The following ANKRD44 variants were observed in gnomAD, a reference collection of about 807,000 sequenced individuals.
The protein encoded by ANKRD44 is serine/threonine-protein phosphatase 6 regulatory ankyrin repeat subunit B.
In ANKRD44, 35 loss-of-function variants were observed where a neutral mutation model predicts 116.0. The ratio of observed to expected loss-of-function variants is 0.30; its 90% confidence interval spans 0.23 to 0.40. The LOEUF (loss-of-function observed/expected upper bound fraction) is 0.40, where lower values mean the gene tolerates loss of function less well. ANKRD44 is among the 10% of genes least tolerant of loss of function. The pLI, the probability that ANKRD44 is intolerant of heterozygous loss-of-function variation, is 1.00. For missense variants in ANKRD44, 1,014 were observed against 1,242.6 expected (o/e 0.82, Z 2.77); for synonymous variants, 435 against 461.8 (o/e 0.94, Z 0.74).
At chr2:197,032,854 G>A (rs976994868) in intron 16 of ANKRD44, among the ~76,000 whole-genome samples, 1 of 152,176 alleles carries the variant, frequency 6.6e-6, no homozygotes, top group African/African-American at 2.4e-5. Context: ...ATTGGAGGTG[G>A]GGAAAGAGGA....
rs746996854 is a variant in ANKRD44 at position 197,125,437 on chromosome 2, T to G, written c.494A>C (p.Asn165Thr). The change falls in exon 6 of 28, where the codon AAT becomes ACT. Residue 165 changes from asparagine to threonine, a missense_variant. By Grantham distance (65) the Asn-to-Thr change is moderately conservative (BLOSUM62 0). Transcript: ENST00000282272. ...MVNLLLAKGANINAFDKKDRR... is the reference protein window; with the variant it reads ...MVNLLLAKGATINAFDKKDRR... Reference sequence around the variant, plus strand: ...GTCCTTCTTGTCAAATGCATTGATATTTGCCCCTTTGGCCAAGAGTAAATT... The same window carrying G: ...GTCCTTCTTGTCAAATGCATTGATAGTTGCCCCTTTGGCCAAGAGTAAATT... 33 of 1,613,924 alleles carry G rather than the reference T, an allele frequency of 2.0e-5. No individual in the cohort carries two copies. In the Admixed American group the frequency reaches 5.5e-4, roughly 27 times the overall value.
chr2:197,247,013 T>A (rs188308895), intron 1 of ANKRD44, among the ~76,000 whole-genome samples: 2 of 152,298 alleles, frequency 1.3e-5, no homozygotes, highest in African/African-American at 4.8e-5. Flanking sequence ...TCCAGTCTCG[T>A]TTCTCTTTCT....
intron 3 of ANKRD44, among the ~76,000 whole-genome samples, chr2:197,141,653 G>A (rs779901850): frequency 1.3e-5 from 2 of 152,170 alleles, no homozygotes; most frequent in Non-Finnish European, 2.9e-5. Flanking sequence ...GCTTCTTTCA[G>A]TCAGTGTTTA....
intron 21 of ANKRD44, among the ~76,000 whole-genome samples, chr2:196,972,848 T>C (rs1214378852): frequency 6.6e-6 from 1 of 152,250 alleles, no homozygotes; most frequent in Non-Finnish European, 1.5e-5. Context: ...AGGGTATGTA[T>C]AATTCTAATG....
intron 4 of ANKRD44, among the ~76,000 whole-genome samples, chr2:197,133,771 G>C (rs1031820523): frequency 1.3e-5 from 2 of 151,946 alleles, no homozygotes; most frequent in African/African-American, 4.8e-5. Flanking sequence ...TATTAGTTAG[G>C]AGAGGCATAA....
intron 10 of ANKRD44, among the ~76,000 whole-genome samples, chr2:197,094,571 C>G (rs886451631): frequency 3.3e-5 from 5 of 152,194 alleles, no homozygotes; most frequent in Non-Finnish European, 7.3e-5. Flanking sequence ...GATCGGTTAA[C>G]ATTTCTGTTA....
At chr2:197,045,217 T>G (rs1254592781) in intron 16 of ANKRD44, among the ~76,000 whole-genome samples, 1 of 152,166 alleles carries the variant, frequency 6.6e-6, no homozygotes. Flanking sequence ...TTTTATCCTT[T>G]CTACCTGAGC....
intron 2 of ANKRD44, among the ~76,000 whole-genome samples, chr2:197,177,043 C>T (rs969055821): frequency 3.3e-5 from 5 of 152,020 alleles, no homozygotes; most frequent in Non-Finnish European, 5.9e-5. Flanking sequence ...AAATCAGGGC[C>T]GGCACAATTA....
Position 196,988,380 on chromosome 2 carries a change from C to T in ANKRD44, c.*1211G>A. The stretch of plus-strand genomic sequence containing the variant: ...TATCTGCTTTTTAAAAATTCATCTT[C>T]TCTAAACAAACGAAAAGGACAGAAG... On this transcript the variant is annotated 3_prime_UTR_variant, in exon 28 of 28. Transcript: ENST00000282272. 3.0e-6 allele frequency: 3 copies of T among 985,394 alleles called. No homozygotes were observed. The highest frequency in any genetic ancestry group is 3.6e-6 in the Non-Finnish European group (3 of 829,924). The allele number at this position is 985,394 out of a possible 1,614,324, so 61.0% of individuals were successfully genotyped here. A position where few individuals can be genotyped will look rare whatever the true frequency, so the allele number is the denominator to read the frequency against.
At chr2:196,998,542 T>C in intron 24 of ANKRD44, 123 bp from the exon 25 acceptor site, 1 of 747,418 alleles carries the variant, frequency 1.3e-6, no homozygotes, top group Non-Finnish European at 2.2e-6. Flanking sequence ...ATATTTAATG[T>C]ATTTAAAGAA....
intron 2 of ANKRD44, among the ~76,000 whole-genome samples, chr2:197,159,881 G>A (rs1458962551): frequency 1.3e-5 from 2 of 152,184 alleles, no homozygotes; most frequent in Non-Finnish European, 1.5e-5. Flanking sequence ...CTCCACATCC[G>A]CTGCTCTCTC....
At chr2:197,039,991 G>A (rs2076880216) in intron 16 of ANKRD44, among the ~76,000 whole-genome samples, 1 of 151,192 alleles carries the variant, frequency 6.6e-6, no homozygotes, top group African/African-American at 2.4e-5. Context: ...CACTTTGGGA[G>A]GCCGAGGCGG....
At chr2:197,260,190 C>T (rs1406614263) in intron 1 of ANKRD44, among the ~76,000 whole-genome samples, 2 of 151,942 alleles carry the variant, frequency 1.3e-5, no homozygotes, top group East Asian at 1.9e-4. Flanking sequence ...CCCATTAACT[C>T]GTCATTTAGC....
intron 16 of ANKRD44, chr2:197,029,734 T>C: frequency 3.5e-6 from 1 of 284,388 alleles, no homozygotes; most frequent in South Asian, 3.1e-5. Flanking sequence ...TCTTATTTGC[T>C]GAGAGGCATA....
chr2:197,144,228 AG>A (rs1423468316), intron 3 of ANKRD44, among the ~76,000 whole-genome samples: 2 of 152,234 alleles, frequency 1.3e-5, no homozygotes, highest in African/African-American at 4.8e-5. Context: ...TAATGCCAGC[AG>A]GAATTTAGCA....
At chr2:197,243,914 G>C (rs1209128021) in intron 1 of ANKRD44, among the ~76,000 whole-genome samples, 1 of 152,164 alleles carries the variant, frequency 6.6e-6, no homozygotes, top group Non-Finnish European at 1.5e-5. Context: ...ACCATAGCAA[G>C]GAAGGACATA....
At chr2:197,213,812 T>C (rs1221662838) in intron 1 of ANKRD44, among the ~76,000 whole-genome samples, 3 of 144,734 alleles carry the variant, frequency 2.1e-5, no homozygotes, top group Admixed American at 6.8e-5. Context: ...TTAGACCTTC[T>C]AAGTAAACAA....
chr2:197,042,089 T>A (rs549559522), intron 16 of ANKRD44, among the ~76,000 whole-genome samples: 1 of 152,332 alleles, frequency 6.6e-6, no homozygotes, highest in Non-Finnish European at 1.5e-5. Context: ...TAACTTTATC[T>A]TCTTTTAATG....
chr2:197,275,083 T>C (rs2083035004), intron 1 of ANKRD44, among the ~76,000 whole-genome samples: 1 of 151,688 alleles, frequency 6.6e-6, no homozygotes. Context: ...CACTCCAGCC[T>C]GGGTGACAGA....
Sources: gnomAD v4.1 joint callset for allele counts (sites outside exome capture counted in the v4.1 genomes callset) on GRCh38, gnomAD v4.1.1 for gene constraint, MANE v1.5 for transcripts, NCBI Gene and HGNC (gene_info 2026-07-23, HGNC 2026-07-21) for gene names.